LDLRAD4: variants seen among roughly 807,000 people sequenced by gnomAD.
LDLRAD4 encodes the protein low density lipoprotein receptor class A domain containing 4.
In LDLRAD4, 5 loss-of-function variants were observed where a neutral mutation model predicts 17.0. That is an observed-to-expected ratio of 0.29 (90% CI 0.15 to 0.62). The LOEUF (loss-of-function observed/expected upper bound fraction) is 0.62, where lower values mean the gene tolerates loss of function less well. LDLRAD4 is among the 20% of genes least tolerant of loss of function. The pLI is 0.84. For missense variants in LDLRAD4, 340 were observed against 424.7 expected (o/e 0.80, Z 1.75); for synonymous variants, 168 against 171.8 (o/e 0.98, Z 0.17).
chr18:13,507,843 A>G (rs929849495), intron 3 of LDLRAD4, among the ~76,000 whole-genome samples: 6 of 152,210 alleles, frequency 3.9e-5, no homozygotes, highest in Non-Finnish European at 8.8e-5. Flanking sequence ...CGTGGCCTCT[A>G]TGTGTTCAAG....
Position 13,451,022 on chromosome 18 carries a change from C to T in LDLRAD4, c.181+12638C>T, listed in dbSNP as rs547300208. On this transcript the variant is annotated intron_variant, in intron 3 of 5. Coordinates refer to ENST00000359446, the Ensembl canonical transcript of LDLRAD4. ...GAAGGTTTTTGAGCAAGAGAGGCTACGACACAAAGCTGTTGTATAGCCGGA... is the reference window on the plus strand; with the variant it reads ...GAAGGTTTTTGAGCAAGAGAGGCTATGACACAAAGCTGTTGTATAGCCGGA... Among the ~76,000 whole-genome samples the T allele has an allele frequency of 2.8e-4, 43 of 152,240 alleles. No homozygotes were observed. The South Asian group carries it at 8.9e-3, about 32-fold the overall frequency.
At chr18:13,309,206 G>A (rs542202623) in intron 1 of LDLRAD4, among the ~76,000 whole-genome samples, 53 of 152,332 alleles carry the variant, frequency 3.5e-4, no homozygotes, top group African/African-American at 1.2e-3. Flanking sequence ...ACACCATGGC[G>A]TGGATTGTGG....
At chr18:13,469,846 T>A (rs2092720218) in intron 3 of LDLRAD4, among the ~76,000 whole-genome samples, 1 of 152,202 alleles carries the variant, frequency 6.6e-6, no homozygotes. Context: ...CTGAATTGTG[T>A]CTCAGTTACT....
intron 3 of LDLRAD4, among the ~76,000 whole-genome samples, chr18:13,550,125 A>G (rs1013614200): frequency 6.6e-6 from 1 of 152,198 alleles, no homozygotes; most frequent in African/African-American, 2.4e-5. Flanking sequence ...CTTACTATCT[A>G]CTTAACATAA....
At chr18:13,289,200 G>C (rs2045826128) in intron 1 of LDLRAD4, among the ~76,000 whole-genome samples, 1 of 152,230 alleles carries the variant, frequency 6.6e-6, no homozygotes, top group South Asian at 2.1e-4. Context: ...TCAGTCTTCT[G>C]AGTTCTAAAA....
chr18:13,270,740 A>G (rs1248901832), intron 1 of LDLRAD4, among the ~76,000 whole-genome samples: 1 of 152,254 alleles, frequency 6.6e-6, no homozygotes, highest in Non-Finnish European at 1.5e-5. Flanking sequence ...CTGGGAGGCT[A>G]GAACTCTGCA....
intron 3 of LDLRAD4, among the ~76,000 whole-genome samples, chr18:13,495,492 C>T (rs1320706352): frequency 6.6e-6 from 1 of 152,190 alleles, no homozygotes; most frequent in African/African-American, 2.4e-5. Context: ...CGGGATCCCA[C>T]TTAGTTATCT....
intron 3 of LDLRAD4, among the ~76,000 whole-genome samples, chr18:13,507,558 C>T (rs1017788265): frequency 5.9e-5 from 9 of 152,218 alleles, no homozygotes; most frequent in African/African-American, 1.9e-4. Flanking sequence ...TTTATCCCCT[C>T]ATTGGTCAGT....
At chr18:13,495,359 G>A (rs2147170240) in intron 3 of LDLRAD4, among the ~76,000 whole-genome samples, 1 of 152,246 alleles carries the variant, frequency 6.6e-6, no homozygotes, top group Admixed American at 6.5e-5. Context: ...CGAATCTCAG[G>A]GCTTAAAATG....
intron 3 of LDLRAD4, among the ~76,000 whole-genome samples, chr18:13,538,680 A>G (rs2147915799): frequency 6.6e-6 from 1 of 152,304 alleles, no homozygotes; most frequent in South Asian, 2.1e-4. Context: ...GTATGCCAGT[A>G]TTCCAAGATA....
chr18:13,392,107 A>T (rs540817168), intron 2 of LDLRAD4, among the ~76,000 whole-genome samples: 28 of 152,396 alleles, frequency 1.8e-4, no homozygotes, highest in Admixed American at 5.9e-4. Context: ...TTAAATTTCC[A>T]GAAGGATTGA....
intron 1 of LDLRAD4, among the ~76,000 whole-genome samples, chr18:13,262,091 GCT>G (rs1481572389): frequency 8.7e-6 from 1 of 115,454 alleles, no homozygotes; most frequent in African/African-American, 3.1e-5. Flanking sequence ...GTCCCGTGTG[GCT>G]CTGTGTGTGG....
chr18:13,225,134 C>T (rs1430550418), intron 1 of LDLRAD4, among the ~76,000 whole-genome samples: 1 of 152,210 alleles, frequency 6.6e-6, no homozygotes, highest in East Asian at 1.9e-4. Context: ...CTGCGCCAGG[C>T]CAAGAGTCTC....
chr18:13,408,915 A>G (rs528697322), intron 2 of LDLRAD4, among the ~76,000 whole-genome samples: 117 of 152,178 alleles, frequency 7.7e-4, no homozygotes, highest in African/African-American at 2.7e-3. Flanking sequence ...CATACAGTGA[A>G]TATGGGTTAC....
intron 1 of LDLRAD4, among the ~76,000 whole-genome samples, chr18:13,349,981 G>A (rs747247547): frequency 1.5e-4 from 23 of 152,154 alleles, no homozygotes; most frequent in Non-Finnish European, 3.2e-4. Context: ...TTTTATGGCT[G>A]CATAGTATTC....
At chr18:13,410,814 G>A (rs747179901) in intron 2 of LDLRAD4, among the ~76,000 whole-genome samples, 1 of 152,194 alleles carries the variant, frequency 6.6e-6, no homozygotes, top group Non-Finnish European at 1.5e-5. Flanking sequence ...TGATTTCAGT[G>A]GATGGCTTTT....
intron 4 of LDLRAD4, among the ~76,000 whole-genome samples, chr18:13,632,253 C>T (rs561280678): frequency 6.6e-6 from 1 of 152,324 alleles, no homozygotes; most frequent in Admixed American, 6.5e-5. Context: ...GCTCATCCTG[C>T]CCACTTCCCC....
chr18:13,398,716 G>T lies in LDLRAD4; in HGVS notation c.40+10954G>T, dbSNP rs925831276. Among the ~76,000 whole-genome samples, 4 of 152,088 alleles carry T rather than the reference G, an allele frequency of 2.6e-5. No individual in the cohort carries two copies. Among genetic ancestry groups the T allele is most frequent in the Non-Finnish European group, 5.9e-5 (4 of 68,020 alleles). On this transcript the variant is annotated intron_variant, in intron 2 of 5. Transcript: ENST00000359446. The surrounding 1 kb of genome is among the most constrained non-coding windows in gnomAD (Gnocchi z 4.8). ...CAGAGAGGATAGGCAGTGTGCTGGT[G>T]GGCTGCTGGTGTCCTCACAGCCTCT...
intron 4 of LDLRAD4, among the ~76,000 whole-genome samples, chr18:13,633,182 G>A (rs1031580466): frequency 2.0e-5 from 3 of 152,268 alleles, no homozygotes; most frequent in Non-Finnish European, 2.9e-5. Context: ...AGGTTGATCC[G>A]ATGTCTGTTC....
Sources: gnomAD v4.1 joint callset for allele counts (sites outside exome capture counted in the v4.1 genomes callset) on GRCh38, gnomAD v4.1.1 for gene constraint, Gnocchi (gnomAD v3.1) non-coding constraint, MANE v1.5 for transcripts, NCBI Gene and HGNC (gene_info 2026-07-23, HGNC 2026-07-21) for gene names.